The following PARP16 variants were observed in gnomAD, a reference collection of about 807,000 sequenced individuals.
PARP16 encodes the protein protein mono-ADP-ribosyltransferase PARP16.
A neutral mutation model predicts 35.0 loss-of-function variants in PARP16; 31 were observed. The observed-to-expected ratio is 0.88, with a 90% CI of 0.66 to 1.19. The LOEUF is 1.19. PARP16 is among the 50% of genes most tolerant of loss of function. The pLI is 0.00. For synonymous variants in PARP16, 162 were observed against 169.5 expected (o/e 0.96, Z 0.34); for missense variants, 424 against 411.2 (o/e 1.03, Z -0.27).
intron 2 of PARP16, among the ~76,000 whole-genome samples, chr15:65,250,372 C>T (rs1223644777): frequency 6.6e-6 from 1 of 151,998 alleles, no homozygotes; most frequent in African/African-American, 2.4e-5. Flanking sequence ...CCCACCTCAG[C>T]CTCCCAAAGT....
intron 3 of PARP16, among the ~76,000 whole-genome samples, chr15:65,242,791 T>G (rs567066270): frequency 6.6e-6 from 1 of 151,834 alleles, no homozygotes; most frequent in Non-Finnish European, 1.5e-5. Context: ...CTTGGCTCAC[T>G]GCAACCTCTG....
chr15:65,241,079 G>GC (rs1291324208), intron 3 of PARP16, among the ~76,000 whole-genome samples: 2 of 149,796 alleles, frequency 1.3e-5, no homozygotes, highest in Non-Finnish European at 3.0e-5. Flanking sequence ...CAAGTGATCT[G>GC]CCCCCCTCAG....
At position 65,258,544 on chromosome 15, in the gene PARP16, C is replaced by A. The variant is rs1397129416; in HGVS notation, c.*863G>T. 1 of 152,350 alleles carries A rather than the reference C, an allele frequency of 6.6e-6. No individual in the cohort carries two copies. Among genetic ancestry groups the A allele is most frequent in the Non-Finnish European group, 1.5e-5 (1 of 68,044 alleles). 9.4% of individuals were successfully genotyped at this position (152,350 alleles called of 1,614,324 possible). A position where few individuals can be genotyped will look rare whatever the true frequency, so the allele number is the denominator to read the frequency against. On this transcript the variant is annotated 3_prime_UTR_variant, in exon 6 of 6. Coordinates refer to ENST00000649807, the MANE Select transcript of PARP16 (RefSeq NM_001316943.2). ...CAGGAGGCGAGCCTATAGCTCAAAT[C>A]CCTTTCTCTAAAACACAGCCAGAAA...
chr15:65,236,173 T>A (rs968526310), intron 3 of PARP16, among the ~76,000 whole-genome samples: 7 of 152,160 alleles, frequency 4.6e-5, no homozygotes, highest in African/African-American at 1.7e-4. Flanking sequence ...AGACATGTTT[T>A]AAACCCACCA....
chr15:65,281,499 T>G (rs1295826702), intron 1 of PARP16, among the ~76,000 whole-genome samples: 2 of 152,052 alleles, frequency 1.3e-5, no homozygotes, highest in Non-Finnish European at 2.9e-5. Context: ...AAACCAGCCT[T>G]GACCAACATG....
At chr15:65,233,279 G>A (rs2088802655), downstream of PARP16, among the ~76,000 whole-genome samples, 1 of 152,118 alleles carries the variant, frequency 6.6e-6, no homozygotes, top group South Asian at 2.1e-4. Context: ...CCGGGCGCCT[G>A]TAGTCCCAGC....
downstream of PARP16, among the ~76,000 whole-genome samples, chr15:65,255,497 C>T (rs1053535842): frequency 5.9e-5 from 9 of 151,934 alleles, no homozygotes; most frequent in Non-Finnish European, 1.2e-4. Flanking sequence ...GAAGTCATAA[C>T]GTGGCCCTGC....
intron 2 of PARP16, among the ~76,000 whole-genome samples, chr15:65,270,337 G>A (rs2090053583): frequency 6.6e-6 from 1 of 152,148 alleles, no homozygotes; most frequent in African/African-American, 2.4e-5. Context: ...CCCACTTTGA[G>A]GTAACTATCA....
downstream of PARP16, among the ~76,000 whole-genome samples, chr15:65,231,875 C>T (rs2088781654): frequency 6.6e-6 from 1 of 152,104 alleles, no homozygotes; most frequent in Non-Finnish European, 1.5e-5. Flanking sequence ...TCTAGGATCA[C>T]TTTTTATTTC....
chr15:65,250,098 C>A (rs1391927848), intron 2 of PARP16, among the ~76,000 whole-genome samples: 3 of 144,818 alleles, frequency 2.1e-5, no homozygotes, highest in Non-Finnish European at 4.5e-5. Context: ...CAGCCTTGCA[C>A]CTGCTTGCCT....
At chr15:65,237,285 C>T (rs1298707537) in intron 3 of PARP16, among the ~76,000 whole-genome samples, 1 of 152,162 alleles carries the variant, frequency 6.6e-6, no homozygotes, top group African/African-American at 2.4e-5. Flanking sequence ...CACAGGAAGT[C>T]CTGCCATTTT....
At chr15:65,249,127 C>T (rs1366491061) in intron 2 of PARP16, among the ~76,000 whole-genome samples, 3 of 152,240 alleles carry the variant, frequency 2.0e-5, no homozygotes, top group Admixed American at 6.5e-5. Flanking sequence ...TGGGCAGCTC[C>T]TCTTGCTCAG....
In PARP16 at chr15:65,259,247, C is replaced by A; in HGVS notation, c.*160G>T. ...TTGACTGGAGTATGGCTGGGAACAT[C>A]ATCAAAGGCAATGGATACATTTAGG... On this transcript the variant is annotated 3_prime_UTR_variant, in exon 6 of 6. Coordinates refer to ENST00000649807, the MANE Select transcript of PARP16 (RefSeq NM_001316943.2). The A allele has an allele frequency of 7.2e-6, 5 of 694,372 alleles. No homozygotes were observed. The highest frequency in any genetic ancestry group is 1.3e-5 in the Non-Finnish European group (5 of 390,038). The allele number at this position is 694,372 out of a possible 1,614,324, so 43.0% of individuals were successfully genotyped here. A position where few individuals can be genotyped will look rare whatever the true frequency, so the allele number is the denominator to read the frequency against.
chr15:65,238,377 T>G (rs1482034650), intron 3 of PARP16, among the ~76,000 whole-genome samples: 1 of 152,188 alleles, frequency 6.6e-6, no homozygotes, highest in African/African-American at 2.4e-5. Flanking sequence ...CAGAGGTAGA[T>G]GAAAAGAGAA....
rs151121386 is a variant in PARP16 at position 65,266,974 on chromosome 15, G to A, written c.313-206C>T. Among the ~76,000 whole-genome samples the A allele has an allele frequency of 3.5e-3, 535 of 152,240 alleles. 2 individuals carry two copies. The highest frequency in any genetic ancestry group is 0.012 in the African/African-American group (510 of 41,534). On this transcript the variant is annotated intron_variant, in intron 2 of 5. Coordinates refer to ENST00000649807, the MANE Select transcript of PARP16 (RefSeq NM_001316943.2). The stretch of plus-strand genomic sequence containing the variant: ...ACATTTTTCCCGGTCGGGTGTGGTG[G>A]CTCACACCTGTAATCCCAAAACTTT...
intron 5 of PARP16, among the ~76,000 whole-genome samples, chr15:65,260,130 C>A (rs1029470142): frequency 1.3e-5 from 2 of 152,028 alleles, no homozygotes; most frequent in Admixed American, 1.3e-4. Context: ...GGACAGGGGT[C>A]GGGAGGAGAC....
intron 1 of PARP16, among the ~76,000 whole-genome samples, chr15:65,285,780 G>C (rs1436823436): frequency 6.6e-6 from 1 of 152,176 alleles, no homozygotes; most frequent in African/African-American, 2.4e-5. Context: ...AGAAATAACA[G>C]CTTACATATG....
At chr15:65,236,276 A>T (rs1045346506) in intron 3 of PARP16, among the ~76,000 whole-genome samples, 1 of 152,220 alleles carries the variant, frequency 6.6e-6, no homozygotes, top group Non-Finnish European at 1.5e-5. Context: ...CTAGTGGTAG[A>T]GCCAAACATT....
At chr15:65,271,672 T>C (rs1013008650) in intron 1 of PARP16, among the ~76,000 whole-genome samples, 11 of 152,188 alleles carry the variant, frequency 7.2e-5, no homozygotes, top group African/African-American at 2.7e-4. Context: ...TTAGTATCAG[T>C]GCATTCTGCT....
Sources: allele counts gnomAD v4.1 joint callset (sites outside exome capture counted in the v4.1 genomes callset), GRCh38; gene constraint gnomAD v4.1.1; transcripts MANE v1.5; gene names NCBI Gene and HGNC (gene_info 2026-07-23, HGNC 2026-07-21).